Variants in RAB3GAP1 observed in about 807,000 individuals in gnomAD.
RAB3GAP1 encodes rab3 GTPase-activating protein catalytic subunit.
RAB3GAP1 carries 86 observed loss-of-function variants against 130.7 expected under a neutral mutation model. The ratio of observed to expected loss-of-function variants is 0.66; its 90% CI spans 0.55 to 0.79. The LOEUF (loss-of-function observed/expected upper bound fraction) is 0.79. RAB3GAP1 is among the 30% of genes least tolerant of loss of function. RAB3GAP1 has a pLI of 0.00. For missense variants in RAB3GAP1, 1,029 were observed against 1,169.4 expected (o/e 0.88, Z 1.75); for synonymous variants, 367 against 401.7 (o/e 0.91, Z 1.03).
intron 3 of RAB3GAP1, among the ~76,000 whole-genome samples, chr2:135,073,366 CT>C (rs962381823): frequency 6.6e-6 from 1 of 152,160 alleles, no homozygotes; most frequent in Admixed American, 6.5e-5. Context: ...CAGAGTTGCC[CT>C]TGCCTTTGTT....
chr2:135,085,892 C>T (rs1357035131), intron 3 of RAB3GAP1, among the ~76,000 whole-genome samples: 3 of 152,106 alleles, frequency 2.0e-5, no homozygotes, highest in Non-Finnish European at 4.4e-5. Flanking sequence ...AAATGTAGAA[C>T]ATTTTTGTTA....
Position 135,168,866 on chromosome 2 carries a change from G to A in RAB3GAP1, c.*85G>A. 1 of 1,179,472 alleles carries A rather than the reference G, an allele frequency of 8.5e-7. No homozygotes were observed. The highest frequency in any genetic ancestry group is 1.3e-6 in the Non-Finnish European group (1 of 789,202). 73.1% of individuals were successfully genotyped at this position (1,179,472 alleles called of 1,614,324 possible). A position where few individuals can be genotyped will look rare whatever the true frequency, so the allele number is the denominator to read the frequency against. ...GAAGGTACCAGGGAGAACCTGGGAGGTCCTGGAGAGGGCCCTGTCCAGTTG... is the reference window on the plus strand; with the variant it reads ...GAAGGTACCAGGGAGAACCTGGGAGATCCTGGAGAGGGCCCTGTCCAGTTG... On this transcript the variant is annotated 3_prime_UTR_variant, in exon 24 of 24. Transcript: ENST00000264158.
chr2:135,080,116 CA>C (rs764426198), intron 3 of RAB3GAP1, among the ~76,000 whole-genome samples: 5,569 of 73,142 alleles, frequency 0.076, 165 homozygotes, highest in African/African-American at 0.19. Context: ...GACTCCGTCT[CA>C]AAAAAAAAAA....
At chr2:135,112,594 T>C (rs761855454) in intron 5 of RAB3GAP1, among the ~76,000 whole-genome samples, 1 of 152,084 alleles carries the variant, frequency 6.6e-6, no homozygotes, top group East Asian at 1.9e-4. Context: ...CACCAGACAC[T>C]TCTCCCACCA....
At chr2:135,166,571 A>G (rs993478108) in intron 23 of RAB3GAP1, among the ~76,000 whole-genome samples, 1 of 151,342 alleles carries the variant, frequency 6.6e-6, no homozygotes, top group African/African-American at 2.4e-5. Flanking sequence ...CTTATCTAGA[A>G]CTCCTGGTTT....
chr2:135,115,384 G>C lies in RAB3GAP1; in HGVS notation c.648+3G>C. The C allele has an allele frequency of 6.2e-7, 1 of 1,607,936 alleles. No individual in the cohort carries two copies. The highest frequency in any genetic ancestry group is 8.5e-7 in the Non-Finnish European group (1 of 1,174,752). ...TGGATATCTTCAAATCAAAGATTGT[G>C]AGTTGGGATTGATATTGTCAGTCTT... On this transcript the variant is annotated splice_donor_region_variant and intron_variant, in intron 7 of 23. Coordinates refer to ENST00000264158, the MANE Select transcript of RAB3GAP1 (RefSeq NM_012233.3).
intron 5 of RAB3GAP1, among the ~76,000 whole-genome samples, chr2:135,102,121 A>T (rs1198294671): frequency 6.6e-6 from 1 of 152,224 alleles, no homozygotes; most frequent in Admixed American, 6.5e-5. Context: ...TAAGGTAGGG[A>T]GATTTATCCT....
At chr2:135,088,057 T>G (rs1316843683) in intron 3 of RAB3GAP1, among the ~76,000 whole-genome samples, 2 of 152,180 alleles carry the variant, frequency 1.3e-5, no homozygotes, top group Non-Finnish European at 2.9e-5. Flanking sequence ...CTTGGATGCC[T>G]TGTCTTTATT....
In RAB3GAP1 at chr2:135,126,241, T is replaced by C; in HGVS notation, c.891T>C (p.Asp297=). ...HLTEGIIVDN[D]VYSDLDPIQA... is the part of the protein sequence containing the mutation. Reference sequence around the variant, plus strand: ...CCGAAGGGATCATTGTGGATAATGATGTTTATTCGTAAGTATGTTAAGAGT... The same window carrying C: ...CCGAAGGGATCATTGTGGATAATGACGTTTATTCGTAAGTATGTTAAGAGT... The change falls in exon 10 of 24, where the codon GAT becomes GAC. Residue 297 remains aspartate (D), a synonymous_variant. Transcript: ENST00000264158. 6.2e-7 allele frequency: 1 copy of C among 1,611,522 alleles called. No homozygotes were observed. Among genetic ancestry groups the C allele is most frequent in the Non-Finnish European group, 8.5e-7 (1 of 1,177,872 alleles).
chr2:135,065,652 A>C (rs1357768340), intron 3 of RAB3GAP1, among the ~76,000 whole-genome samples: 1 of 152,114 alleles, frequency 6.6e-6, no homozygotes, highest in African/African-American at 2.4e-5. Context: ...TAATGTACCA[A>C]TGTTGTGACA....
chr2:135,084,786 CAATA>C (rs1453143751), intron 3 of RAB3GAP1, among the ~76,000 whole-genome samples: 1 of 152,004 alleles, frequency 6.6e-6, no homozygotes, highest in African/African-American at 2.4e-5. Context: ...ATGAATAGAA[CAATA>C]GTCTTTGCTT....
intron 7 of RAB3GAP1, among the ~76,000 whole-genome samples, chr2:135,117,441 T>TCTTCTTCTGCTTCTTCTTCTG (rs1691007238): frequency 1.1e-5 from 1 of 89,004 alleles, no homozygotes; most frequent in African/African-American, 4.0e-5. Flanking sequence ...TTCTTCTTCT[T>TCTTCTTCTGCTTCTTCTTCTG]CTTCTTCTTC....
intron 5 of RAB3GAP1, among the ~76,000 whole-genome samples, chr2:135,096,613 T>C (rs534130514): frequency 6.6e-6 from 1 of 152,190 alleles, no homozygotes; most frequent in Non-Finnish European, 1.5e-5. Context: ...TATCAGAGCA[T>C]GAGCTTTGTA....
intron 3 of RAB3GAP1, among the ~76,000 whole-genome samples, chr2:135,087,210 T>C (rs765202996): frequency 6.6e-6 from 1 of 152,182 alleles, no homozygotes; most frequent in Non-Finnish European, 1.5e-5. Flanking sequence ...AGCACCTCTG[T>C]TGTGAAGTCA....
At chr2:135,120,678 A>G (rs1298343837) in intron 7 of RAB3GAP1, 141 bp from the exon 8 acceptor site, 6 of 739,966 alleles carry the variant, frequency 8.1e-6, no homozygotes, top group South Asian at 1.4e-5. Flanking sequence ...TATGCACACT[A>G]TTGTTTAACA....
intron 3 of RAB3GAP1, among the ~76,000 whole-genome samples, chr2:135,076,056 G>A (rs1281606862): frequency 3.9e-5 from 6 of 151,920 alleles, no homozygotes; most frequent in East Asian, 1.9e-4. Flanking sequence ...GATTACAGGC[G>A]TGTGCCACCA....
chr2:135,056,482 C>T (rs566359877), intron 2 of RAB3GAP1, among the ~76,000 whole-genome samples: 16 of 152,312 alleles, frequency 1.1e-4, no homozygotes, highest in South Asian at 8.3e-4. Context: ...GGATTACACG[C>T]GTGAGCCGCT....
At chr2:135,109,758 A>G (rs922058290) in intron 5 of RAB3GAP1, among the ~76,000 whole-genome samples, 18 of 150,524 alleles carry the variant, frequency 1.2e-4, no homozygotes, top group Admixed American at 1.1e-3. Flanking sequence ...ATTTTTTTGT[A>G]TTTTCAGTAG....
chr2:135,155,774 A>C (rs1020870082), intron 19 of RAB3GAP1, among the ~76,000 whole-genome samples: 3 of 152,142 alleles, frequency 2.0e-5, no homozygotes, highest in Non-Finnish European at 4.4e-5. Context: ...GATGAAAATA[A>C]ATGAATTAAA....
Sources: gnomAD v4.1 joint callset for allele counts (sites outside exome capture counted in the v4.1 genomes callset) on GRCh38, gnomAD v4.1.1 for gene constraint, MANE v1.5 for transcripts, NCBI Gene and HGNC (gene_info 2026-07-23, HGNC 2026-07-21) for gene names.